The following DCLK3 variants were observed in gnomAD, a reference collection of about 807,000 sequenced individuals.
DCLK3 encodes serine/threonine-protein kinase DCLK3.
DCLK3 carries 30 observed loss-of-function variants against 46.4 expected under a neutral mutation model. The ratio of observed to expected loss-of-function variants is 0.65; its 90% CI spans 0.48 to 0.88. DCLK3 has a LOEUF of 0.88. Ranked by LOEUF, DCLK3 falls within the 40% of genes least tolerant of loss-of-function variation. DCLK3 has a pLI of 0.00. For synonymous variants in DCLK3, 401 were observed against 339.2 expected, an observed-to-expected ratio of 1.18 and a Z score of -2.00; for missense variants, 846 against 907.1, an observed-to-expected ratio of 0.93 and a Z score of 0.87.
In DCLK3 at chr3:36,764,310, C is replaced by T. The variant is rs1701566287; in HGVS notation, c.-47G>A. The T allele has an allele frequency of 9.3e-6, 2 of 216,212 alleles. No homozygotes were observed. Among genetic ancestry groups the T allele is most frequent in the East Asian group, 2.1e-4 (2 of 9,466 alleles). The allele number at this position is 216,212 out of a possible 1,614,324, so 13.4% of individuals were successfully genotyped here. On this transcript the variant is annotated 5_prime_UTR_variant, in exon 1 of 5. Transcript: ENST00000636136. This position sits in a 1 kb window ranked among gnomAD's most constrained non-coding sequence, Gnocchi z 4.9. Reference sequence around the variant, plus strand: ...AGAGCCTGGAGCAGAGGTGGCAGCGCGGGGACGCGGCTCGACGGTCGAGCA... The same window carrying T: ...AGAGCCTGGAGCAGAGGTGGCAGCGTGGGGACGCGGCTCGACGGTCGAGCA...
intron 2 of DCLK3, among the ~76,000 whole-genome samples, chr3:36,735,628 A>T (rs1701252515): frequency 6.6e-6 from 1 of 152,156 alleles, no homozygotes; most frequent in South Asian, 2.1e-4. Flanking sequence ...CCCTTCCCCC[A>T]CCTTCCCAGC....
intron 4 of DCLK3, among the ~76,000 whole-genome samples, chr3:36,717,117 C>CTTTATT (rs1191951327): frequency 6.6e-6 from 1 of 152,122 alleles, no homozygotes; most frequent in African/African-American, 2.4e-5. Context: ...TCCTATTCTA[C>CTTTATT]TTTATTTTTA....
intron 2 of DCLK3, among the ~76,000 whole-genome samples, chr3:36,732,953 T>C (rs141447574): frequency 1.3e-5 from 2 of 152,112 alleles, no homozygotes; most frequent in Non-Finnish European, 2.9e-5. Context: ...ATTGAACAGG[T>C]TCATGGTAAA....
intron 1 of DCLK3, among the ~76,000 whole-genome samples, chr3:36,747,754 A>G (rs1431905721): frequency 6.6e-6 from 1 of 152,172 alleles, no homozygotes; most frequent in Non-Finnish European, 1.5e-5. Context: ...CTTGTGACAA[A>G]GTGTCATATT....
At chr3:36,753,870 G>A (rs1322158408) in intron 1 of DCLK3, among the ~76,000 whole-genome samples, 1 of 151,890 alleles carries the variant, frequency 6.6e-6, no homozygotes, top group Non-Finnish European at 1.5e-5. Flanking sequence ...AAAGAAATAG[G>A]GTCTCACTAT....
At chr3:36,719,790 G>A (rs1379948643) in intron 3 of DCLK3, among the ~76,000 whole-genome samples, 1 of 152,088 alleles carries the variant, frequency 6.6e-6, no homozygotes, top group African/African-American at 2.4e-5. Context: ...ATTAAACTCA[G>A]CCCATCCCCC....
intron 2 of DCLK3, among the ~76,000 whole-genome samples, chr3:36,736,389 T>C (rs1701263552): frequency 6.6e-6 from 1 of 152,204 alleles, no homozygotes; most frequent in Non-Finnish European, 1.5e-5. Flanking sequence ...ACAATATTCT[T>C]ATTTTTATCT....
chr3:36,731,135 G>A (rs1255721693), intron 2 of DCLK3, among the ~76,000 whole-genome samples: 1 of 152,106 alleles, frequency 6.6e-6, no homozygotes, highest in Non-Finnish European at 1.5e-5. Flanking sequence ...CCCAGTGTCT[G>A]GTCAGAGGTG....
intron 1 of DCLK3, among the ~76,000 whole-genome samples, chr3:36,748,684 G>A (rs1311628003): frequency 3.3e-5 from 5 of 152,078 alleles, no homozygotes; most frequent in South Asian, 4.1e-4. Context: ...CCCAGGGTCC[G>A]TGAGGCCTCG....
chr3:36,738,447 T>C lies in DCLK3; in HGVS notation c.720A>G (p.Ala240=). The C allele has an allele frequency of 6.8e-7, 1 of 1,475,964 alleles. No homozygotes were observed. Among genetic ancestry groups the C allele is most frequent in the Admixed American group, 2.6e-5 (1 of 39,074 alleles). The allele number at this position is 1,475,964 out of a possible 1,614,324, so 91.4% of individuals were successfully genotyped here. A position where few individuals can be genotyped will look rare whatever the true frequency, so the allele number is the denominator to read the frequency against. Reference sequence around the variant, plus strand: ...GGATCTTCCCCTGGTGCCTCATGGCTGCCTTGCATCCTGCAACTTCGCTGC... The same window carrying C: ...GGATCTTCCCCTGGTGCCTCATGGCCGCCTTGCATCCTGCAACTTCGCTGC... ...KSCSEVAGCK[A]AMRHQGKIPE... is the part of the protein sequence containing the mutation. The change falls in exon 2 of 5, where the codon GCA becomes GCG. Residue 240 remains alanine, a synonymous_variant. Coordinates refer to ENST00000636136, the MANE Select transcript of DCLK3 (RefSeq NM_001394672.2).
In DCLK3 at chr3:36,738,727, A is replaced by C. The variant is rs1701306265; in HGVS notation, c.440T>G (p.Phe147Cys). The change falls in exon 2 of 5, where the codon TTT becomes TGT. Residue 147 changes from phenylalanine (F) to cysteine (C), a missense_variant. By Grantham distance (205) the Phe-to-Cys change is radical (BLOSUM62 -2). Around this residue, in one of 3 missense-constraint regions of DCLK3, gnomAD observed 553 missense variants for 543.0 expected, o/e 1.02. Coordinates refer to ENST00000636136, the MANE Select transcript of DCLK3 (RefSeq NM_001394672.2). ...RWKNDRVRKL[F>C]NLKGREIRSV... is the part of the protein sequence containing the mutation. ...CCTGATTTCCCTGCCCTTGAGGTTA[A>C]ACAGTTTCCTCACACGGTCATTCTT... 1.5e-6 allele frequency: 2 copies of C among 1,314,446 alleles called. No homozygotes were observed. Among genetic ancestry groups the C allele is most frequent in the Non-Finnish European group, 1.9e-6 (2 of 1,025,828 alleles). The allele number at this position is 1,314,446 out of a possible 1,614,324, so 81.4% of individuals were successfully genotyped here.
chr3:36,733,125 T>G (rs773683348), intron 2 of DCLK3, among the ~76,000 whole-genome samples: 11 of 152,204 alleles, frequency 7.2e-5, no homozygotes, highest in Middle Eastern at 6.8e-3. Flanking sequence ...AGAAAGAGGG[T>G]ACAACCTTTG....
At chr3:36,748,622 G>C (rs1036729594) in intron 1 of DCLK3, among the ~76,000 whole-genome samples, 3 of 151,892 alleles carry the variant, frequency 2.0e-5, no homozygotes, top group African/African-American at 7.3e-5. Flanking sequence ...GGACTCTGAG[G>C]ACACTGGCGG....
At chr3:36,743,043 G>C (rs889018148) in intron 1 of DCLK3, among the ~76,000 whole-genome samples, 1 of 152,014 alleles carries the variant, frequency 6.6e-6, no homozygotes, top group African/African-American at 2.4e-5. Flanking sequence ...TGAAATTGCT[G>C]GTAGTTCTAC....
intron 1 of DCLK3, among the ~76,000 whole-genome samples, chr3:36,743,146 C>T (rs1701363733): frequency 6.6e-6 from 1 of 151,880 alleles, no homozygotes; most frequent in Admixed American, 6.6e-5. Context: ...TAAAATGCTC[C>T]AAAGCCTGCA....
intron 1 of DCLK3, among the ~76,000 whole-genome samples, chr3:36,761,578 A>T (rs1701540111): frequency 6.6e-6 from 1 of 152,244 alleles, no homozygotes; most frequent in South Asian, 2.1e-4. Flanking sequence ...CCACCAGCAG[A>T]CGGGCAAAAT....
intron 1 of DCLK3, among the ~76,000 whole-genome samples, chr3:36,752,645 G>T (rs1040176412): frequency 6.6e-6 from 1 of 152,090 alleles, no homozygotes; most frequent in African/African-American, 2.4e-5. Flanking sequence ...CCTTTGTTCA[G>T]GTCTGTGATG....
intron 2 of DCLK3, among the ~76,000 whole-genome samples, chr3:36,735,118 C>T (rs1295496965): frequency 2.0e-5 from 3 of 152,184 alleles, no homozygotes; most frequent in African/African-American, 7.2e-5. Flanking sequence ...AAATGTTCAG[C>T]TCGTGGGACC....
At position 36,721,653 on chromosome 3, in the gene DCLK3, G is replaced by A. The variant is rs1178665305; in HGVS notation, c.1966C>T (p.Arg656Ter). 1 of 1,613,884 alleles carries A rather than the reference G, an allele frequency of 6.2e-7. No homozygotes were observed. Among genetic ancestry groups the A allele is most frequent in the African/African-American group, 1.3e-5 (1 of 74,876 alleles). ...DLKPENLLVQ[R>*]NEDKSTTLKL... is the part of the protein sequence containing the mutation. The stretch of plus-strand genomic sequence containing the variant: ...AAGGTAGTAGATTTGTCCTCATTTC[G>A]CTGAACCTGTAAGAAACCAAAATCC... Residue 656 changes from arginine (R) to a stop codon, truncating the protein, a stop_gained, in exon 3 of 5, where the codon CGA becomes TGA. Transcript: ENST00000636136. LOFTEE classifies it high-confidence loss of function.
Sources: gnomAD v4.1 joint callset for allele counts (sites outside exome capture counted in the v4.1 genomes callset) on GRCh38, gnomAD v4.1.1 for gene constraint, gnomAD v4.1.1 regional missense constraint, Gnocchi (gnomAD v3.1) non-coding constraint, MANE v1.5 for transcripts, NCBI Gene and HGNC (gene_info 2026-07-23, HGNC 2026-07-21) for gene names.